Variants in HERC3 observed in about 807,000 individuals in gnomAD.
The protein encoded by HERC3 is HECT and RLD domain containing E3 ubiquitin protein ligase 3, also known as probable E3 ubiquitin-protein ligase HERC3.
HERC3 carries 58 observed loss-of-function variants against 129.9 expected under a neutral mutation model. That is an observed-to-expected ratio of 0.45 (90% CI 0.36 to 0.56). The LOEUF is 0.56. HERC3 is among the 20% of genes least tolerant of loss of function. The pLI is 0.00. For missense variants in HERC3, 835 were observed against 1,244.2 expected (o/e 0.67, Z 4.95); for synonymous variants, 430 against 451.0 (o/e 0.95, Z 0.59).
intron 18 of HERC3, 35 bp from the exon 19 acceptor site, chr4:88,677,929 T>G (rs555274492): frequency 1.2e-6 from 2 of 1,601,690 alleles, no homozygotes; most frequent in South Asian, 2.2e-5. Flanking sequence ...ACACGTGTGC[T>G]CTGAGTAATT....
chr4:88,580,561 G>T, the HERC3 span, among the ~76,000 whole-genome samples: 1 of 152,068 alleles, frequency 6.6e-6, no homozygotes, highest in African/African-American at 2.4e-5. Context: ...TTTTCTGGGG[G>T]AAAGATGAAT....
intron 3 of HERC3, among the ~76,000 whole-genome samples, chr4:88,625,001 A>G (rs891412450): frequency 6.6e-6 from 1 of 152,220 alleles, no homozygotes; most frequent in Non-Finnish European, 1.5e-5. Flanking sequence ...TATGGAAGAC[A>G]GTTGGCTGTG....
At chr4:88,617,640 G>A (rs1053370258) in intron 3 of HERC3, among the ~76,000 whole-genome samples, 1 of 152,328 alleles carries the variant, frequency 6.6e-6, no homozygotes, top group African/African-American at 2.4e-5. Context: ...GGGAGGCTGA[G>A]GCAGGTGGAT....
intron 3 of HERC3, among the ~76,000 whole-genome samples, chr4:88,643,496 G>C (rs1484916699): frequency 4.6e-5 from 7 of 152,250 alleles, no homozygotes; most frequent in Admixed American, 1.3e-4. Flanking sequence ...TTACTATAGA[G>C]GTATAGTAAT....
chr4:88,670,236 T>G lies in HERC3; in HGVS notation c.1895T>G (p.Leu632Trp), dbSNP rs146139152. The part of the protein sequence containing the change: ...DIQEDYLMWF[L>W]HQAGMKARPS... ...CAGGAAGACTACCTCATGTGGTTCT[T>G]GCATCAAGCAGGGATGGTAAGAATT... Residue 632 changes from leucine to tryptophan, a missense_variant, in exon 16 of 26, where the codon TTG (leucine) becomes TGG (tryptophan). Transcript: ENST00000402738. The G allele has an allele frequency of 1.2e-6, 2 of 1,608,622 alleles. No homozygotes were observed. Among genetic ancestry groups the G allele is most frequent in the Non-Finnish European group, 1.7e-6 (2 of 1,175,104 alleles).
At chr4:88,582,621 G>A in the HERC3 span, among the ~76,000 whole-genome samples, 1 of 152,186 alleles carries the variant, frequency 6.6e-6, no homozygotes, top group African/African-American at 2.4e-5. Flanking sequence ...TTAGTCACGA[G>A]TAAAGATTAA....
At chr4:88,581,884 A>C in the HERC3 span, among the ~76,000 whole-genome samples, 1 of 152,250 alleles carries the variant, frequency 6.6e-6, no homozygotes, top group Non-Finnish European at 1.5e-5. Context: ...TCAATAAATA[A>C]TATCACTGGT....
the HERC3 span, among the ~76,000 whole-genome samples, chr4:88,568,364 G>A: frequency 6.6e-6 from 1 of 152,106 alleles, no homozygotes; most frequent in African/African-American, 2.4e-5. Context: ...TCTCTTCATG[G>A]TGGCAAGCTC....
At chr4:88,602,806 G>C (rs1400002481) in intron 2 of HERC3, among the ~76,000 whole-genome samples, 1 of 152,136 alleles carries the variant, frequency 6.6e-6, no homozygotes, top group East Asian at 1.9e-4. Flanking sequence ...TCCAGATAAA[G>C]TGATTCAAAC....
At chr4:88,635,939 A>T (rs1727334827) in intron 3 of HERC3, among the ~76,000 whole-genome samples, 3 of 152,218 alleles carry the variant, frequency 2.0e-5, no homozygotes, top group Admixed American at 2.0e-4. Context: ...CTTTTCAGAT[A>T]AGCAAATGCT....
At chr4:88,654,794 T>A (rs72882991) in intron 7 of HERC3, among the ~76,000 whole-genome samples, 2 of 152,152 alleles carry the variant, frequency 1.3e-5, no homozygotes, top group African/African-American at 4.8e-5. Context: ...AACAGCTTAC[T>A]TACCAAGGAA....
intron 3 of HERC3, among the ~76,000 whole-genome samples, chr4:88,622,650 G>T (rs1261106195): frequency 6.6e-6 from 1 of 152,172 alleles, no homozygotes; most frequent in African/African-American, 2.4e-5. Context: ...GATCTGTTTG[G>T]CCGGGTGTGG....
chr4:88,600,678 T>C (rs1722876175), intron 2 of HERC3, among the ~76,000 whole-genome samples: 1 of 152,234 alleles, frequency 6.6e-6, no homozygotes, highest in Non-Finnish European at 1.5e-5. Context: ...GATATTACTT[T>C]AGCTCTCTCC....
rs530303702 is a variant in HERC3, at chr4:88,688,271, G to A, written c.2657+972G>A. Among the ~76,000 whole-genome samples the A allele has an allele frequency of 7.9e-5, 12 of 152,268 alleles. No individual in the cohort carries two copies. In the South Asian group the frequency reaches 2.1e-3, roughly 26 times the overall value. The stretch of plus-strand genomic sequence containing the variant: ...ACTTGTGGAGTGGGTACTGGTGTAC[G>A]GATGAAGGGAGACTATAGTAGCATC... On this transcript the variant is annotated intron_variant, in intron 23 of 25. Coordinates refer to ENST00000402738, the MANE Select transcript of HERC3 (RefSeq NM_014606.3).
At chr4:88,632,811 C>T (rs1055030357) in intron 3 of HERC3, among the ~76,000 whole-genome samples, 14 of 152,024 alleles carry the variant, frequency 9.2e-5, no homozygotes, top group Non-Finnish European at 1.3e-4. Flanking sequence ...GAGTCCCAGC[C>T]GGAGAGGACA....
the HERC3 span, among the ~76,000 whole-genome samples, chr4:88,580,331 C>A: frequency 6.6e-6 from 1 of 152,106 alleles, no homozygotes; most frequent in East Asian, 1.9e-4. Context: ...TCAAGACCAG[C>A]CTGGCCAACA....
At chr4:88,565,568 C>T in the HERC3 span, among the ~76,000 whole-genome samples, 2,165 of 151,852 alleles carry the variant, frequency 0.014, 55 homozygotes, top group African/African-American at 0.049. Context: ...TTTTTGGTTT[C>T]GCATGGAATA....
chr4:88,651,822 A>G (rs1315869931), intron 4 of HERC3, among the ~76,000 whole-genome samples, 190 bp from the exon 5 acceptor site: 1 of 152,140 alleles, frequency 6.6e-6, no homozygotes, highest in African/African-American at 2.4e-5. Context: ...TCCTGACCTC[A>G]GGTGATAAGC....
In HERC3 at chr4:88,637,058, G is replaced by C. The variant is rs557626638; in HGVS notation, c.227-12782G>C. On this transcript the variant is annotated intron_variant, in intron 3 of 25. Coordinates refer to ENST00000402738, the MANE Select transcript of HERC3 (RefSeq NM_014606.3). Reference sequence around the variant, plus strand: ...GTAGGAGAATTGCTTGAATCCGGGAGGCAGAGGTTGCAATGGGCTGAGATT... The same window carrying C: ...GTAGGAGAATTGCTTGAATCCGGGACGCAGAGGTTGCAATGGGCTGAGATT... 2.9e-3 allele frequency among the ~76,000 whole-genome samples: 441 copies of C among 152,176 alleles called. 2 individuals are homozygous for C. Among genetic ancestry groups the C allele is most frequent in the Non-Finnish European group, 5.0e-3 (342 of 68,016 alleles).
Sources: allele counts gnomAD v4.1 joint callset (sites outside exome capture counted in the v4.1 genomes callset), GRCh38; gene constraint gnomAD v4.1.1; transcripts MANE v1.5; gene names NCBI Gene and HGNC (gene_info 2026-07-23, HGNC 2026-07-21).